IRAG1: variants seen among roughly 807,000 people sequenced by gnomAD.
IRAG1 encodes IP3R-associated cGMP kinase substrate.
In IRAG1, 62 loss-of-function variants were observed where a neutral mutation model predicts 106.2. The ratio of observed to expected loss-of-function variants is 0.58; its 90% CI spans 0.48 to 0.72. The LOEUF is 0.72. IRAG1 is among the 30% of genes least tolerant of loss of function. The probability of loss-of-function intolerance (pLI) is 0.00; values close to 1 mark genes in which losing one functional copy is unlikely to be tolerated. For synonymous variants in IRAG1, 462 were observed against 443.9 expected (o/e 1.04, Z -0.51); for missense variants, 1,064 against 1,140.7 (o/e 0.93, Z 0.97).
chr11:10,577,789 G>C (rs541088045), intron 20 of IRAG1, among the ~76,000 whole-genome samples: 1 of 152,216 alleles, frequency 6.6e-6, no homozygotes, highest in East Asian at 1.9e-4. Context: ...GGGCCACAGA[G>C]AACATTGACA....
chr11:10,624,604 G>A lies in IRAG1; in HGVS notation c.1369-748C>T, dbSNP rs892561333. Among the ~76,000 whole-genome samples, 7 of 147,094 alleles carry A rather than the reference G, an allele frequency of 4.8e-5. No individual in the cohort carries two copies. In the South Asian group the frequency reaches 1.0e-3, roughly 22 times the overall value. ...GTGTGGCAGAGGGCACTTGGGAATG[G>A]TTTGTCCCCCGAGAAGGGAGGAAAG... On this transcript the variant is annotated intron_variant, in intron 9 of 20. Coordinates refer to ENST00000423302, the MANE Select transcript of IRAG1 (RefSeq NM_130385.4).
intron 2 of IRAG1, among the ~76,000 whole-genome samples, chr11:10,645,452 C>T (rs538151805): frequency 9.2e-5 from 14 of 152,336 alleles, no homozygotes; most frequent in Admixed American, 2.6e-4. Context: ...CTACCATGTA[C>T]GACTGCGTTC....
intron 1 of IRAG1, among the ~76,000 whole-genome samples, chr11:10,682,901 T>C (rs1861376432): frequency 6.6e-6 from 1 of 152,170 alleles, no homozygotes; most frequent in South Asian, 2.1e-4. Flanking sequence ...TGATCCAAGC[T>C]GGACTTATCA....
intron 8 of IRAG1, among the ~76,000 whole-genome samples, 187 bp downstream of exon 8, chr11:10,627,529 C>T (rs1856342062): frequency 1.3e-5 from 2 of 152,186 alleles, no homozygotes; most frequent in East Asian, 1.9e-4. Flanking sequence ...TCCTGCCTCC[C>T]CACCCCTCCA....
intron 8 of IRAG1, among the ~76,000 whole-genome samples, chr11:10,627,490 A>G (rs1258790445): frequency 6.6e-6 from 1 of 151,940 alleles, no homozygotes; most frequent in Admixed American, 6.6e-5. Context: ...CGCTGTGAGT[A>G]TTGCCTCCAC....
At position 10,628,657 on chromosome 11, in the gene IRAG1, G is replaced by A; in HGVS notation, c.652+94C>T. 1 of 1,056,880 alleles carries A rather than the reference G, an allele frequency of 9.5e-7. No homozygotes were observed. Among genetic ancestry groups the A allele is most frequent in the Non-Finnish European group, 1.3e-6 (1 of 755,574 alleles). 65.5% of individuals were successfully genotyped at this position (1,056,880 alleles called of 1,614,324 possible). ...GGCCATCAGAGTTCTTGAAGGGGAAGCCTGCAGGCTGGGAGGCATGCTGAT... is the reference window on the plus strand; with the variant it reads ...GGCCATCAGAGTTCTTGAAGGGGAAACCTGCAGGCTGGGAGGCATGCTGAT... On this transcript the variant is annotated intron_variant, in intron 6 of 20. Coordinates refer to ENST00000423302, the MANE Select transcript of IRAG1 (RefSeq NM_130385.4). This position sits in a 1 kb window ranked among gnomAD's most constrained non-coding sequence, Gnocchi z 4.1.
chr11:10,629,752 C>G (rs371542998), intron 4 of IRAG1, 41 bp from the exon 5 acceptor site: 1 of 1,592,990 alleles, frequency 6.3e-7, no homozygotes, highest in African/African-American at 1.3e-5. Flanking sequence ...CCACTGCATC[C>G]GTGGCCCCAG....
chr11:10,660,254 T>A (rs2135004448), intron 1 of IRAG1, among the ~76,000 whole-genome samples: 1 of 152,364 alleles, frequency 6.6e-6, no homozygotes, highest in Non-Finnish European at 1.5e-5. Context: ...ATAAATTACA[T>A]GAACTCACAT....
intron 1 of IRAG1, among the ~76,000 whole-genome samples, chr11:10,660,475 C>T (rs1859305726): frequency 6.6e-6 from 1 of 152,064 alleles, no homozygotes; most frequent in East Asian, 1.9e-4. Flanking sequence ...AGTATCTATA[C>T]CATGGAAATT....
chr11:10,684,816 A>G (rs1271520152), intron 1 of IRAG1, among the ~76,000 whole-genome samples: 1 of 152,110 alleles, frequency 6.6e-6, no homozygotes, highest in Admixed American at 6.6e-5. Context: ...AGATCTGGCA[A>G]TCAAAGAACT....
rs1022342383 is a variant in IRAG1 at position 10,576,640 on chromosome 11, A to G, written c.2496-65T>C. 1.9e-6 allele frequency: 3 copies of G among 1,589,226 alleles called. No homozygotes were observed. In the African/African-American group the frequency reaches 4.0e-5, roughly 21 times the overall value. On this transcript the variant is annotated intron_variant, in intron 20 of 20. Coordinates refer to ENST00000423302, the MANE Select transcript of IRAG1 (RefSeq NM_130385.4). ...GGGCACACATATGATACACAGACCC[A>G]CAGTTCTCTCTGCGGATAGCTTCCA...
intron 17 of IRAG1, 64 bp from the exon 18 acceptor site, chr11:10,591,676 T>G: frequency 7.0e-7 from 1 of 1,419,044 alleles, no homozygotes. Flanking sequence ...CCAGAGCTGC[T>G]GGATTTCTGA....
intron 1 of IRAG1, among the ~76,000 whole-genome samples, chr11:10,684,498 C>T (rs1193478840): frequency 2.0e-5 from 3 of 151,610 alleles, no homozygotes; most frequent in East Asian, 1.9e-4. Flanking sequence ...AGGAGATATA[C>T]CTAATGCTAA....
Position 10,683,851 on chromosome 11 carries a change from C to T in IRAG1, c.67+9685G>A, listed in dbSNP as rs1370528149. On this transcript the variant is annotated intron_variant, in intron 1 of 20. Coordinates refer to ENST00000423302, the MANE Select transcript of IRAG1 (RefSeq NM_130385.4). ...CACATAGAATCATGACCAAAGAATA[C>T]TTATTTAGGGAAAGCAGGAAAATTG... Among the ~76,000 whole-genome samples the T allele has an allele frequency of 5.4e-5, 8 of 147,798 alleles. No individual in the cohort carries two copies. In the South Asian group the frequency reaches 1.3e-3, roughly 24 times the overall value.
In IRAG1 at chr11:10,632,029, C is replaced by T. The variant is rs771636681; in HGVS notation, c.362G>A (p.Arg121Gln). ...VHSPHKRLSH[R>Q]HLKVSTASLT... ...GGAGGCAGTGGACACCTTCAAGTGT[C>T]GGTGAGAAAGCCTCTTGTGGGGACT... Residue 121 changes from arginine (R) to glutamine (Q), a missense_variant, in exon 4 of 21, where the codon CGA (arginine) becomes CAA (glutamine). Coordinates refer to ENST00000423302, the MANE Select transcript of IRAG1 (RefSeq NM_130385.4). 1.5e-5 allele frequency: 25 copies of T among 1,613,676 alleles called. No homozygotes were observed. Among genetic ancestry groups the T allele is most frequent in the Middle Eastern group, 1.7e-4 (1 of 6,046 alleles).
intron 2 of IRAG1, among the ~76,000 whole-genome samples, chr11:10,635,320 G>A (rs1857069938): frequency 6.6e-6 from 1 of 152,118 alleles, no homozygotes; most frequent in Admixed American, 6.5e-5. Context: ...CTCCCTCTGT[G>A]AGCACCTGAC....
chr11:10,623,921 C>T (rs1007884815), intron 9 of IRAG1, 65 bp from the exon 10 acceptor site: 2 of 1,472,608 alleles, frequency 1.4e-6, no homozygotes, highest in African/African-American at 2.8e-5. Context: ...GTTCTCTTGG[C>T]TCTGTCTATG....
At chr11:10,689,540 C>G (rs1458774341) in intron 1 of IRAG1, among the ~76,000 whole-genome samples, 1 of 152,194 alleles carries the variant, frequency 6.6e-6, no homozygotes, top group Non-Finnish European at 1.5e-5. Flanking sequence ...AGCTGAGTCT[C>G]CAAATGCTAT....
chr11:10,680,782 G>A (rs919090777), intron 1 of IRAG1, among the ~76,000 whole-genome samples: 4 of 152,268 alleles, frequency 2.6e-5, no homozygotes, highest in Non-Finnish European at 4.4e-5. Context: ...TGTGAATTAT[G>A]TAATATAAAC....
Sources: allele counts gnomAD v4.1 joint callset (sites outside exome capture counted in the v4.1 genomes callset), GRCh38; gene constraint gnomAD v4.1.1; non-coding constraint Gnocchi (gnomAD v3.1); transcripts MANE v1.5; gene names NCBI Gene and HGNC (gene_info 2026-07-23, HGNC 2026-07-21).